FGF6: variants seen among roughly 807,000 people sequenced by gnomAD.
The protein encoded by FGF6 is FGF-6.
FGF6 carries 14 observed loss-of-function variants against 18.4 expected under a neutral mutation model. The ratio of observed to expected loss-of-function variants is 0.76; its 90% confidence interval spans 0.50 to 1.19. The LOEUF (loss-of-function observed/expected upper bound fraction) is 1.19, where lower values mean the gene tolerates loss of function less well. Among genes scored for constraint, FGF6 ranks in the 50% most tolerant of loss-of-function variants. The probability of loss-of-function intolerance (pLI) is 0.00; values close to 1 mark genes in which losing one functional copy is unlikely to be tolerated. For missense variants in FGF6, 266 were observed against 271.6 expected, an observed-to-expected ratio of 0.98 and a Z score of 0.15; for synonymous variants, 125 against 116.7, an observed-to-expected ratio of 1.07 and a Z score of -0.46.
intron 2 of FGF6, 36 bp downstream of exon 2, chr12:4,444,097 T>G: frequency 7.3e-7 from 1 of 1,372,956 alleles, no homozygotes; most frequent in East Asian, 2.3e-5. Flanking sequence ...CATCAAGCCT[T>G]GTAAACCTGG....
At position 4,444,133 on chromosome 12, in the gene FGF6, C is replaced by G. The variant is rs146672099; in HGVS notation, c.450G>C (p.Thr150=). The G allele has an allele frequency of 1.9e-6, 3 of 1,605,840 alleles. No individual in the cohort carries two copies. In the South Asian group the frequency reaches 3.3e-5, roughly 18 times the overall value. Residue 150 remains threonine, a splice_region_variant and synonymous_variant, in exon 2 of 3, where the codon ACG becomes ACC. Transcript: ENST00000228837. ...AMNSKGRLYA[T]PSFQEECKFR... ...CACTTCCCCGGCCTGGTGAACTCACCGTTGCGTACAATCTTCCTTTACTGT... is the reference window on the plus strand; with the variant it reads ...CACTTCCCCGGCCTGGTGAACTCACGGTTGCGTACAATCTTCCTTTACTGT...
intron 2 of FGF6, among the ~76,000 whole-genome samples, chr12:4,440,070 G>A (rs752778989): frequency 1.2e-4 from 18 of 152,162 alleles, no homozygotes; most frequent in Non-Finnish European, 2.2e-4. Flanking sequence ...GGTGAAGAAC[G>A]CACTCGAGCC....
In FGF6 at chr12:4,445,373, A is replaced by G. The variant is rs747523579; in HGVS notation, c.198T>C (p.Ala66=). 1 of 1,613,948 alleles carries G rather than the reference A, an allele frequency of 6.2e-7. No homozygotes were observed. Among genetic ancestry groups the G allele is most frequent in the Non-Finnish European group, 8.5e-7 (1 of 1,180,014 alleles). The change falls in exon 1 of 3, where the codon GCT becomes GCC. Residue 66 remains alanine, a synonymous_variant. Coordinates refer to ENST00000228837, the MANE Select transcript of FGF6 (RefSeq NM_020996.3). This position sits in a 1 kb window ranked among gnomAD's most constrained non-coding sequence, Gnocchi z 5.5. ...TLLSRSRAGL[A]GEIAGVNWES... ...CCCAGTTCACCCCGGCAATCTCTCC[A>G]GCTAGCCCGGCGCGAGACCTGGACA...
At chr12:4,440,438 C>T (rs1358493616) in intron 2 of FGF6, among the ~76,000 whole-genome samples, 3 of 152,154 alleles carry the variant, frequency 2.0e-5, no homozygotes, top group Non-Finnish European at 4.4e-5. Flanking sequence ...TTCCTCCTGG[C>T]AGTGTGTGTT....
chr12:4,437,394 G>A (rs906911596), intron 2 of FGF6, among the ~76,000 whole-genome samples: 1 of 152,174 alleles, frequency 6.6e-6, no homozygotes, highest in African/African-American at 2.4e-5. Flanking sequence ...CAGTAAGCTT[G>A]CATGGAAGAG....
intron 2 of FGF6, among the ~76,000 whole-genome samples, chr12:4,437,516 G>A (rs1424267746): frequency 1.3e-5 from 2 of 152,160 alleles, no homozygotes; most frequent in African/African-American, 4.8e-5. Flanking sequence ...TCAGTCGTTG[G>A]TGGGCAAGCT....
chr12:4,443,130 A>G (rs1359832932), intron 2 of FGF6, among the ~76,000 whole-genome samples: 1 of 152,164 alleles, frequency 6.6e-6, no homozygotes, highest in African/African-American at 2.4e-5. Context: ...ACTAAAGATT[A>G]TGGGGTGGAG....
At chr12:4,436,735 G>A (rs971225452) in intron 2 of FGF6, among the ~76,000 whole-genome samples, 6 of 152,208 alleles carry the variant, frequency 3.9e-5, no homozygotes, top group South Asian at 2.1e-4. Context: ...ATGGGAACAC[G>A]GTGAAACTGC....
At chr12:4,437,334 G>T (rs1224832043) in intron 2 of FGF6, among the ~76,000 whole-genome samples, 1 of 152,190 alleles carries the variant, frequency 6.6e-6, no homozygotes, top group Non-Finnish European at 1.5e-5. Context: ...GGGGGTTACT[G>T]GACAATTTAG....
intron 1 of FGF6, 56 bp from the exon 2 acceptor site, chr12:4,444,292 C>T (rs1865730126): frequency 1.7e-6 from 2 of 1,207,766 alleles, no homozygotes; most frequent in East Asian, 2.3e-5. Flanking sequence ...AGAGTGGGAA[C>T]TTGAGCCGAC....
chr12:4,435,597 A>T (rs767383451), intron 2 of FGF6, among the ~76,000 whole-genome samples: 1 of 152,272 alleles, frequency 6.6e-6, no homozygotes, highest in East Asian at 1.9e-4. Flanking sequence ...AGGAATTTTT[A>T]TGGGGAAAAG....
chr12:4,437,284 G>C (rs1746287400), intron 2 of FGF6, among the ~76,000 whole-genome samples: 1 of 152,186 alleles, frequency 6.6e-6, no homozygotes. Flanking sequence ...AGCCTCGAAA[G>C]ACTGCCTTAC....
In FGF6 at chr12:4,444,353, G is replaced by A. The variant is rs191714296; in HGVS notation, c.347-117C>T. 4.6e-4 allele frequency: 306 copies of A among 663,328 alleles called. No homozygotes were observed. The African/African-American group carries it at 4.9e-3, about 11-fold the overall frequency. The allele number at this position is 663,328 out of a possible 1,614,324, so 41.1% of individuals were successfully genotyped here. ...CTCCTAGAAAGCCAGACTCTCCATT[G>A]CCCCATCCATGATCCCTCTAACTCT... On this transcript the variant is annotated intron_variant, in intron 1 of 2. Transcript: ENST00000228837.
intron 2 of FGF6, among the ~76,000 whole-genome samples, chr12:4,442,973 C>T (rs1865710086): frequency 6.6e-6 from 1 of 152,236 alleles, no homozygotes; most frequent in Admixed American, 6.5e-5. Flanking sequence ...ATAAGAATCT[C>T]CTAGGTAGGT....
At chr12:4,444,878 C>T (rs17183557) in intron 1 of FGF6, among the ~76,000 whole-genome samples, 3 of 152,218 alleles carry the variant, frequency 2.0e-5, no homozygotes, top group Admixed American at 1.3e-4. Context: ...GAGCTTGTGT[C>T]AAATTTGATC....
Position 4,434,418 on chromosome 12 carries a change from A to T in FGF6, c.451-27T>A, listed in dbSNP as rs201355804. ...TGTGGAAGACATGGGCAAACAGCAG[A>T]GACTGGGTTACAAATGAGGAGTGCT... On this transcript the variant is annotated intron_variant, in intron 2 of 2. Transcript: ENST00000228837. 91 of 1,613,346 alleles carry T rather than the reference A, an allele frequency of 5.6e-5. No homozygotes were observed. In the East Asian group the frequency reaches 1.9e-3, roughly 33 times the overall value.
At position 4,438,751 on chromosome 12, in the gene FGF6, C is replaced by CAAAAAAA. The variant is rs386375443; in HGVS notation, c.451-4367_451-4361dup. On this transcript the variant is annotated intron_variant, in intron 2 of 2. Transcript: ENST00000228837. ...CTGGTGACAGAGCGAGACTCTATCT[C>CAAAAAAA]AAAAAAAAAAAAAAAAAAAAAAAAA... Among the ~76,000 whole-genome samples the CAAAAAAA allele has an allele frequency of 5.0e-5, 2 of 39,726 alleles. 1 individual carries two copies. Among genetic ancestry groups the CAAAAAAA allele is most frequent in the Non-Finnish European group, 8.3e-5 (2 of 24,012 alleles). 26.1% of individuals were successfully genotyped at this position (39,726 alleles called of 152,430 possible).
intron 2 of FGF6, among the ~76,000 whole-genome samples, chr12:4,442,255 A>G (rs1421461729): frequency 2.0e-4 from 30 of 152,098 alleles, no homozygotes; most frequent in Admixed American, 2.0e-3. Context: ...TTCAGGCATT[A>G]GGAGTCAGCC....
rs1396385128 is a variant in FGF6 at position 4,445,191 on chromosome 12, C to T, written c.346+34G>A. 2 of 1,560,162 alleles carry T rather than the reference C, an allele frequency of 1.3e-6. No individual in the cohort carries two copies. The highest frequency in any genetic ancestry group is 1.4e-5 in the African/African-American group (1 of 73,502). On this transcript the variant is annotated intron_variant, in intron 1 of 2. Transcript: ENST00000228837. The surrounding 1 kb of genome is among the most constrained non-coding windows in gnomAD (Gnocchi z 5.5). ...TTTAGCCCTGCATGAGCCCAAACCCCCAAGCGTCCCGACTGGCTGCAGCTG... is the reference window on the plus strand; with the variant it reads ...TTTAGCCCTGCATGAGCCCAAACCCTCAAGCGTCCCGACTGGCTGCAGCTG...
Sources: gnomAD v4.1 joint callset for allele counts (sites outside exome capture counted in the v4.1 genomes callset) on GRCh38, gnomAD v4.1.1 for gene constraint, Gnocchi (gnomAD v3.1) non-coding constraint, MANE v1.5 for transcripts, NCBI Gene and HGNC (gene_info 2026-07-23, HGNC 2026-07-21) for gene names.